The following PTGER3 variants were observed in gnomAD, a reference collection of about 807,000 sequenced individuals.
PTGER3 encodes prostaglandin E receptor 3.
A neutral mutation model predicts 34.7 loss-of-function variants in PTGER3; 22 were observed. The ratio of observed to expected loss-of-function variants is 0.63; its 90% confidence interval spans 0.45 to 0.91. The LOEUF (loss-of-function observed/expected upper bound fraction) is 0.91. Ranked by LOEUF, PTGER3 falls within the 40% of genes least tolerant of loss-of-function variation. The probability of loss-of-function intolerance (pLI) is 0.00; values close to 1 mark genes in which losing one functional copy is unlikely to be tolerated. For missense variants in PTGER3, 468 were observed against 519.4 expected, an observed-to-expected ratio of 0.90 and a Z score of 0.96; for synonymous variants, 241 against 230.1, an observed-to-expected ratio of 1.05 and a Z score of -0.43.
At chr1:70,879,194 G>A (rs983989097) in intron 4 of PTGER3, among the ~76,000 whole-genome samples, 5 of 152,028 alleles carry the variant, frequency 3.3e-5, no homozygotes, top group African/African-American at 1.2e-4. Context: ...AGGTCTTCTT[G>A]TTGGATTGAA....
chr1:70,891,833 C>T (rs1308831763), intron 4 of PTGER3, among the ~76,000 whole-genome samples: 2 of 152,148 alleles, frequency 1.3e-5, no homozygotes, highest in African/African-American at 4.8e-5. Flanking sequence ...TTGATGGAGA[C>T]CTTAAAAGGT....
At chr1:70,982,417 C>T (rs958726158) in intron 2 of PTGER3, among the ~76,000 whole-genome samples, 4 of 152,008 alleles carry the variant, frequency 2.6e-5, no homozygotes, top group Admixed American at 1.3e-4. Flanking sequence ...GGGAAAACAT[C>T]GATCAGTATA....
At chr1:71,024,641 CTTTCTTTTTTTTTTT>C (rs1451371860) in intron 1 of PTGER3, among the ~76,000 whole-genome samples, 10 of 104,082 alleles carry the variant, frequency 9.6e-5, no homozygotes, top group African/African-American at 2.8e-4. Context: ...CTATCCTTTT[CTTTCTTTTTTTTTTT>C]TTTTTTTTTT....
At chr1:70,928,460 C>T (rs1198661817) in intron 4 of PTGER3, among the ~76,000 whole-genome samples, 2 of 151,744 alleles carry the variant, frequency 1.3e-5, no homozygotes, top group East Asian at 1.9e-4. Flanking sequence ...TAGTGAGACC[C>T]CCATCTATAC....
chr1:71,016,218 T>G (rs1402859076), intron 1 of PTGER3, among the ~76,000 whole-genome samples: 1 of 152,180 alleles, frequency 6.6e-6, no homozygotes, highest in African/African-American at 2.4e-5. Flanking sequence ...AAATGATTTA[T>G]CCAATAAAAG....
In PTGER3 at chr1:71,031,417, G is replaced by A. The variant is rs188625641; in HGVS notation, c.897+15264C>T. Reference sequence around the variant, plus strand: ...ATTAATATCCCAATTCTGGATAACCGTTTCTCTGTATTCTGGGTGGGAGAG... The same window carrying A: ...ATTAATATCCCAATTCTGGATAACCATTTCTCTGTATTCTGGGTGGGAGAG... On this transcript the variant is annotated intron_variant, in intron 1 of 3. Coordinates refer to ENST00000306666, the MANE Select transcript of PTGER3 (RefSeq NM_198719.2). Among the ~76,000 whole-genome samples, 12 of 152,146 alleles carry A rather than the reference G, an allele frequency of 7.9e-5. No individual in the cohort carries two copies. In the East Asian group the frequency reaches 1.2e-3, roughly 15 times the overall value.
intron 4 of PTGER3, among the ~76,000 whole-genome samples, chr1:70,890,237 T>G (rs2100269836): frequency 6.6e-6 from 1 of 152,340 alleles, no homozygotes; most frequent in Non-Finnish European, 1.5e-5. Context: ...TTATTTTGTT[T>G]CAGGACTCTA....
At chr1:70,882,924 T>C (rs1244617950) in intron 4 of PTGER3, among the ~76,000 whole-genome samples, 1 of 152,236 alleles carries the variant, frequency 6.6e-6, no homozygotes, top group African/African-American at 2.4e-5. Context: ...CTAGCCCTTT[T>C]GTTTCCTTTC....
At chr1:70,869,353 G>C in intron 4 of PTGER3, 1 of 459,702 alleles carries the variant, frequency 2.2e-6, no homozygotes, top group South Asian at 1.6e-5. Context: ...CATGAGATTT[G>C]GGCATGGACA....
chr1:70,901,767 A>C lies in PTGER3; in HGVS notation c.*24-48908T>G, dbSNP rs147197932. ...CACATACAGCATTGGTAATGTTTAG[A>C]AAATGAGACAAAATTCAATCTTCTG... On this transcript the variant is annotated intron_variant, in intron 4 of 4. Coordinates refer to the PTGER3 transcript ENST00000370931. Among the ~76,000 whole-genome samples, 14 of 152,346 alleles carry C rather than the reference A, an allele frequency of 9.2e-5. No homozygotes were observed. In the East Asian group the frequency reaches 2.5e-3, roughly 27 times the overall value.
chr1:70,935,580 TG>T lies in PTGER3; in HGVS notation c.*23+18182del, dbSNP rs112222351. Among the ~76,000 whole-genome samples the T allele has an allele frequency of 6.5e-4, 99 of 151,696 alleles. 1 individual carries two copies. The highest frequency in any genetic ancestry group is 2.2e-3 in the African/African-American group (93 of 41,366). On this transcript the variant is annotated intron_variant, in intron 4 of 4. Coordinates refer to the PTGER3 transcript ENST00000370931. ...TTGGTTTGCTTTTATTGTTTATTTTTGCTTTTACTTAACAAATATTTTACAA... is the reference window on the plus strand; with the variant it reads ...TTGGTTTGCTTTTATTGTTTATTTTTCTTTTACTTAACAAATATTTTACAA...
chr1:71,046,703 G>C lies in PTGER3; in HGVS notation c.875C>G (p.Ser292Trp). 6.3e-7 allele frequency: 1 copy of C among 1,575,590 alleles called. No individual in the cohort carries two copies. The highest frequency in any genetic ancestry group is 1.1e-5 in the South Asian group (1 of 87,018). ...TACCAGGAGCGGAGACCAGCAGACC[G>C]ACAGCACGCACATGATCCCCATAAG... ...IQLMGIMCVL[S>W]VCWSPLLIMM... Residue 292 changes from serine (S) to tryptophan (W), a missense_variant, in exon 1 of 4, where the codon TCG becomes TGG. Transcript: ENST00000306666.
chr1:70,908,702 G>T (rs1010754869), intron 4 of PTGER3, among the ~76,000 whole-genome samples: 2 of 152,164 alleles, frequency 1.3e-5, no homozygotes, highest in African/African-American at 4.8e-5. Flanking sequence ...AAATGCACAT[G>T]TCTTTTGCCC....
At chr1:71,039,141 C>T (rs545023881) in intron 1 of PTGER3, among the ~76,000 whole-genome samples, 2 of 152,196 alleles carry the variant, frequency 1.3e-5, no homozygotes, top group South Asian at 4.1e-4. Context: ...TAAGTCCTCC[C>T]CTTCTCAGGG....
chr1:70,959,656 C>T lies in PTGER3; in HGVS notation c.1078-5867G>A, dbSNP rs1027751573. ...GATTACAGGCATGAGCCACTGTGCC[C>T]GGCCCCTCTTCAATTTTTTTCATCT... On this transcript the variant is annotated intron_variant, in intron 2 of 3. Coordinates refer to the PTGER3 transcript ENST00000356595. Among the ~76,000 whole-genome samples, 8 of 152,098 alleles carry T rather than the reference C, an allele frequency of 5.3e-5. No individual in the cohort carries two copies. In the South Asian group the frequency reaches 8.3e-4, roughly 16 times the overall value.
intron 2 of PTGER3, among the ~76,000 whole-genome samples, chr1:70,954,509 C>A (rs1651111832): frequency 6.6e-6 from 1 of 152,108 alleles, no homozygotes; most frequent in Non-Finnish European, 1.5e-5. Context: ...CATATTAATC[C>A]TCACAGCAAT....
At chr1:70,918,986 A>C (rs565321049) in intron 4 of PTGER3, among the ~76,000 whole-genome samples, 5 of 152,222 alleles carry the variant, frequency 3.3e-5, no homozygotes, top group Admixed American at 6.6e-5. Context: ...CAGAGATACA[A>C]ATAGAGGTTC....
intron 1 of PTGER3, among the ~76,000 whole-genome samples, chr1:71,025,538 A>G (rs1398913052): frequency 7.9e-6 from 1 of 127,292 alleles, no homozygotes; most frequent in African/African-American, 2.6e-5. Context: ...TCCTTTTATT[A>G]CTGTAAGTGT....
chr1:70,887,156 G>A (rs1187360220), intron 4 of PTGER3, among the ~76,000 whole-genome samples: 1 of 152,208 alleles, frequency 6.6e-6, no homozygotes, highest in Non-Finnish European at 1.5e-5. Context: ...CTTGAGAACA[G>A]CTGAGAGGGG....
Sources: allele counts gnomAD v4.1 joint callset (sites outside exome capture counted in the v4.1 genomes callset), GRCh38; gene constraint gnomAD v4.1.1; transcripts MANE v1.5; gene names NCBI Gene and HGNC (gene_info 2026-07-23, HGNC 2026-07-21).